The following CHPT1 variants were observed in gnomAD, a reference collection of about 807,000 sequenced individuals.
The protein encoded by CHPT1 is choline phosphotransferase 1.
Under a neutral mutation model 47.6 loss-of-function variants are expected in CHPT1, and 36 were observed. The ratio of observed to expected loss-of-function variants is 0.76; its 90% CI spans 0.58 to 1.00. The LOEUF is 1.00. Among genes scored for constraint, CHPT1 ranks in the 50% least tolerant of loss-of-function variants. CHPT1 has a pLI of 0.00. For missense variants in CHPT1, 458 were observed against 498.1 expected (o/e 0.92, Z 0.77); for synonymous variants, 194 against 186.3 (o/e 1.04, Z -0.33).
intron 1 of CHPT1, among the ~76,000 whole-genome samples, chr12:101,704,193 TTTG>T (rs1248626540): frequency 2.6e-5 from 4 of 151,154 alleles, no homozygotes; most frequent in African/African-American, 7.4e-5. Flanking sequence ...TTGTTTTGTT[TTTG>T]TTTTTTTTCA....
rs551757750 is a variant in CHPT1 at position 101,721,113 on chromosome 12, C to T, written c.780+859C>T. ...CCTGGCCAACATGGTGAAACCCTGTCGCTACCAAAAATACAAAAAAATTAG... is the reference window on the plus strand; with the variant it reads ...CCTGGCCAACATGGTGAAACCCTGTTGCTACCAAAAATACAAAAAAATTAG... On this transcript the variant is annotated intron_variant, in intron 5 of 8. Transcript: ENST00000229266. Among the ~76,000 whole-genome samples, 5 of 152,126 alleles carry T rather than the reference C, an allele frequency of 3.3e-5. No homozygotes were observed. In the South Asian group the frequency reaches 6.2e-4, roughly 19 times the overall value.
In CHPT1 at chr12:101,723,706, T is replaced by C. The variant is rs1951896582; in HGVS notation, c.940-16T>C. The stretch of plus-strand genomic sequence containing the variant: ...AAAACTTAATAGTAAAATTATTTTG[T>C]TTAATTTTTTTATAGGTAGCTCACA... On this transcript the variant is annotated splice_polypyrimidine_tract_variant and intron_variant, in intron 6 of 8. Transcript: ENST00000229266. The C allele has an allele frequency of 4.9e-6, 7 of 1,433,702 alleles. No homozygotes were observed. The highest frequency in any genetic ancestry group is 6.6e-6 in the Non-Finnish European group (7 of 1,064,990). The allele number at this position is 1,433,702 out of a possible 1,614,324, so 88.8% of individuals were successfully genotyped here.
rs1345309209 is a variant in CHPT1 at position 101,697,844 on chromosome 12, C to T, written c.-18C>T. The T allele has an allele frequency of 6.8e-6, 7 of 1,036,144 alleles. No homozygotes were observed. Among genetic ancestry groups the T allele is most frequent in the East Asian group, 5.9e-5 (1 of 16,872 alleles). The allele number at this position is 1,036,144 out of a possible 1,614,324, so 64.2% of individuals were successfully genotyped here. A position where few individuals can be genotyped will look rare whatever the true frequency, so the allele number is the denominator to read the frequency against. On this transcript the variant is annotated 5_prime_UTR_variant, in exon 1 of 9. Coordinates refer to ENST00000229266, the MANE Select transcript of CHPT1 (RefSeq NM_020244.3). ...CGCGGGCTGCGCTCGGTGGCGGCGG[C>T]GGGGCCCTCAGGCGGCCATGGCGGC...
intron 1 of CHPT1, among the ~76,000 whole-genome samples, chr12:101,704,601 A>G (rs1216117378): frequency 6.8e-6 from 1 of 147,412 alleles, no homozygotes; most frequent in Non-Finnish European, 1.5e-5. Context: ...GGGTTTCACT[A>G]TGTTGGTCAG....
At chr12:101,701,549 T>C (rs190200388) in intron 1 of CHPT1, among the ~76,000 whole-genome samples, 2 of 152,316 alleles carry the variant, frequency 1.3e-5, no homozygotes, top group East Asian at 3.9e-4. Context: ...GTGACATACC[T>C]TTAAGTGGGG....
At chr12:101,715,598 G>A (rs371044642) in intron 3 of CHPT1, among the ~76,000 whole-genome samples, 18 of 151,982 alleles carry the variant, frequency 1.2e-4, no homozygotes, top group African/African-American at 4.4e-4. Context: ...AAGACATTGG[G>A]GCATCCAGGC....
intron 1 of CHPT1, among the ~76,000 whole-genome samples, chr12:101,699,305 G>A (rs532767706): frequency 6.6e-6 from 1 of 151,824 alleles, no homozygotes; most frequent in East Asian, 1.9e-4. Flanking sequence ...CCAGGCTCAT[G>A]CATCCTTTAA....
At chr12:101,699,077 T>C (rs572532809) in intron 1 of CHPT1, among the ~76,000 whole-genome samples, 2 of 152,322 alleles carry the variant, frequency 1.3e-5, no homozygotes, top group East Asian at 3.9e-4. Flanking sequence ...CCTCCATGCA[T>C]GCATCCATTT....
At chr12:101,722,230 A>G (rs1951861717) in intron 5 of CHPT1, among the ~76,000 whole-genome samples, 1 of 152,068 alleles carries the variant, frequency 6.6e-6, no homozygotes, top group African/African-American at 2.4e-5. Context: ...ATAAAGCACT[A>G]TTAGATTTTT....
At chr12:101,707,557 A>T (rs559522892) in intron 1 of CHPT1, among the ~76,000 whole-genome samples, 26 of 152,316 alleles carry the variant, frequency 1.7e-4, no homozygotes, top group African/African-American at 4.8e-4. Context: ...TTGGTTAAAC[A>T]TATACTGTGT....
At chr12:101,711,643 CT>C (rs1270681848) in intron 1 of CHPT1, among the ~76,000 whole-genome samples, 1 of 148,282 alleles carries the variant, frequency 6.7e-6, no homozygotes, top group Non-Finnish European at 1.5e-5. Flanking sequence ...AAAAATTGAA[CT>C]GTAAAATGAA....
chr12:101,698,616 G>A (rs1951501548), intron 1 of CHPT1, among the ~76,000 whole-genome samples: 1 of 152,198 alleles, frequency 6.6e-6, no homozygotes, highest in Non-Finnish European at 1.5e-5. Flanking sequence ...TAGTGATCTT[G>A]AAATGACCGG....
chr12:101,716,276 A>G (rs1249308330), intron 3 of CHPT1, among the ~76,000 whole-genome samples: 1 of 152,222 alleles, frequency 6.6e-6, no homozygotes, highest in African/African-American at 2.4e-5. Context: ...ACCTCAATAA[A>G]GAAGACTATT....
At chr12:101,728,197 CTGAGA>C (rs1309095401) in intron 8 of CHPT1, 6 of 152,406 alleles carry the variant, frequency 3.9e-5, no homozygotes, top group African/African-American at 1.4e-4. Context: ...TTGCAGTGAG[CTGAGA>C]TTACTCCACT....
Position 101,728,882 on chromosome 12 carries a change from A to G in CHPT1, c.1177-19A>G, listed in dbSNP as rs1473294217. 2 of 1,612,236 alleles carry G rather than the reference A, an allele frequency of 1.2e-6. No homozygotes were observed. The highest frequency in any genetic ancestry group is 4.5e-5 in the East Asian group (2 of 44,706). On this transcript the variant is annotated intron_variant, in intron 8 of 8. Coordinates refer to ENST00000229266, the MANE Select transcript of CHPT1 (RefSeq NM_020244.3). The stretch of plus-strand genomic sequence containing the variant: ...AATATGCTTCTTAGCTAACGTTATA[A>G]TTGTATCATATTACTTAGGTTCAAG...
chr12:101,722,489 C>T (rs1412717173), intron 5 of CHPT1, among the ~76,000 whole-genome samples: 2 of 151,924 alleles, frequency 1.3e-5, no homozygotes, highest in East Asian at 3.9e-4. Flanking sequence ...CTGGATTTTA[C>T]AATTTTACAT....
At chr12:101,724,183 C>T (rs147100962) in intron 7 of CHPT1, among the ~76,000 whole-genome samples, 1 of 149,896 alleles carries the variant, frequency 6.7e-6, no homozygotes, top group Non-Finnish European at 1.5e-5. Context: ...CATGCCACTG[C>T]ACTCCAGCCT....
rs147854755 is a variant in CHPT1, at chr12:101,711,783, C to T, written c.274-2307C>T. Among the ~76,000 whole-genome samples, 104 of 148,850 alleles carry T rather than the reference C, an allele frequency of 7.0e-4. 10 individuals are homozygous for T. Among genetic ancestry groups the T allele is most frequent in the Admixed American group, 4.0e-3 (58 of 14,622 alleles). ...ATATCCCATAACATCATGTTGTATA[C>T]ATAATAAAATTTATCTTTAAAAAAG... is the stretch of plus-strand genomic sequence containing the variant. On this transcript the variant is annotated intron_variant, in intron 1 of 8. Transcript: ENST00000229266.
intron 1 of CHPT1, among the ~76,000 whole-genome samples, chr12:101,701,358 C>T (rs186172783): frequency 2.0e-5 from 3 of 152,198 alleles, no homozygotes; most frequent in African/African-American, 7.2e-5. Context: ...AAATCAACCA[C>T]TCTGAATTCC....
Sources: gnomAD v4.1 joint callset for allele counts (sites outside exome capture counted in the v4.1 genomes callset) on GRCh38, gnomAD v4.1.1 for gene constraint, MANE v1.5 for transcripts, NCBI Gene and HGNC (gene_info 2026-07-23, HGNC 2026-07-21) for gene names.